Variants in SYNDIG1 observed in about 807,000 individuals in gnomAD.
The protein encoded by SYNDIG1 is synapse differentiation-inducing gene protein 1.
A neutral mutation model predicts 19.4 loss-of-function variants in SYNDIG1; 9 were observed. The observed-to-expected ratio is 0.46, with a 90% confidence interval of 0.28 to 0.81. The LOEUF is 0.81. SYNDIG1 is among the 30% of genes least tolerant of loss of function. The pLI is 0.12. For synonymous variants in SYNDIG1, 141 were observed against 145.9 expected (o/e 0.97, Z 0.24); for missense variants, 311 against 343.3 (o/e 0.91, Z 0.74).
chr20:24,648,403 T>C (rs537604025), intron 3 of SYNDIG1, among the ~76,000 whole-genome samples: 10 of 152,358 alleles, frequency 6.6e-5, no homozygotes, highest in African/African-American at 2.4e-4. Flanking sequence ...GTGTCCACTC[T>C]GACTACTGAA....
At chr20:24,650,366 T>G (rs1275936911) in intron 3 of SYNDIG1, among the ~76,000 whole-genome samples, 1 of 152,184 alleles carries the variant, frequency 6.6e-6, no homozygotes, top group East Asian at 1.9e-4. Context: ...AAATGGCCCA[T>G]CCAGTTTGTG....
At chr20:24,604,267 A>T (rs188645133) in intron 3 of SYNDIG1, among the ~76,000 whole-genome samples, 1 of 152,196 alleles carries the variant, frequency 6.6e-6, no homozygotes, top group East Asian at 1.9e-4. Context: ...TCCATCTTGA[A>T]CAGGGGCTGG....
intron 3 of SYNDIG1, among the ~76,000 whole-genome samples, chr20:24,631,906 G>A (rs1256712168): frequency 1.3e-5 from 2 of 152,216 alleles, no homozygotes; most frequent in African/African-American, 4.8e-5. Context: ...TAGATTTGCA[G>A]TGTTGGTGAC....
chr20:24,656,241 A>T (rs76002484), intron 3 of SYNDIG1, among the ~76,000 whole-genome samples: 1,635 of 152,318 alleles, frequency 0.011, 39 homozygotes, highest in African/African-American at 0.037. Context: ...GATGTATATC[A>T]CATTTTAAAG....
At chr20:24,609,405 G>A (rs897442524) in intron 3 of SYNDIG1, among the ~76,000 whole-genome samples, 3 of 152,148 alleles carry the variant, frequency 2.0e-5, no homozygotes, top group Non-Finnish European at 4.4e-5. Context: ...TCTAGACTGT[G>A]TATAAAGTAG....
At chr20:24,517,801 T>G (rs2056917738) in intron 1 of SYNDIG1, among the ~76,000 whole-genome samples, 1 of 143,828 alleles carries the variant, frequency 7.0e-6, no homozygotes, top group Non-Finnish European at 1.5e-5. Flanking sequence ...TGAAAAAATA[T>G]TTTTTATATA....
intron 3 of SYNDIG1, among the ~76,000 whole-genome samples, chr20:24,628,391 T>G (rs1348341542): frequency 6.6e-6 from 1 of 152,206 alleles, no homozygotes; most frequent in African/African-American, 2.4e-5. Flanking sequence ...GCCACTCTGC[T>G]TATTCATCCT....
At chr20:24,632,885 C>T (rs1408043244) in intron 3 of SYNDIG1, among the ~76,000 whole-genome samples, 3 of 151,338 alleles carry the variant, frequency 2.0e-5, no homozygotes, top group Admixed American at 6.6e-5. Context: ...GAAGCTGAAA[C>T]AGAACTTGAA....
intron 3 of SYNDIG1, among the ~76,000 whole-genome samples, chr20:24,604,451 C>G (rs2058724413): frequency 6.6e-6 from 1 of 152,210 alleles, no homozygotes; most frequent in South Asian, 2.1e-4. Flanking sequence ...AAAGTGATCT[C>G]TGATCTTCCT....
chr20:24,583,412 TAAC>T (rs2058362476), intron 2 of SYNDIG1, among the ~76,000 whole-genome samples: 2 of 152,196 alleles, frequency 1.3e-5, no homozygotes, highest in African/African-American at 4.8e-5. Flanking sequence ...GGCCTCTGCT[TAAC>T]AACCTTGGGC....
chr20:24,513,785 A>T (rs528823756), intron 1 of SYNDIG1, among the ~76,000 whole-genome samples: 49 of 152,328 alleles, frequency 3.2e-4, no homozygotes, highest in African/African-American at 6.7e-4. Flanking sequence ...TGCCACAAAG[A>T]TACTCCTCAA....
At chr20:24,607,413 G>A (rs139280986) in intron 3 of SYNDIG1, among the ~76,000 whole-genome samples, 18 of 151,908 alleles carry the variant, frequency 1.2e-4, no homozygotes, top group Non-Finnish European at 2.2e-4. Flanking sequence ...CACCTCGTTC[G>A]GGCTGATGAG....
At chr20:24,656,070 A>C (rs1193272115) in intron 3 of SYNDIG1, among the ~76,000 whole-genome samples, 3 of 152,176 alleles carry the variant, frequency 2.0e-5, no homozygotes, top group Admixed American at 6.5e-5. Context: ...ACCGCTGAGG[A>C]TGAGGGACAG....
chr20:24,649,675 G>A (rs551072237), intron 3 of SYNDIG1, among the ~76,000 whole-genome samples: 9 of 152,186 alleles, frequency 5.9e-5, no homozygotes, highest in Middle Eastern at 3.4e-3. Context: ...CAAACACCAC[G>A]TCCTGTCTCC....
intron 1 of SYNDIG1, among the ~76,000 whole-genome samples, chr20:24,532,425 A>G (rs1363827964): frequency 6.6e-6 from 1 of 152,176 alleles, no homozygotes; most frequent in Non-Finnish European, 1.5e-5. Flanking sequence ...ATCCATAGAG[A>G]CAGAAAGTAG....
chr20:24,608,944 G>A (rs2058804891), intron 3 of SYNDIG1, among the ~76,000 whole-genome samples: 1 of 152,202 alleles, frequency 6.6e-6, no homozygotes, highest in African/African-American at 2.4e-5. Flanking sequence ...GGACTCACAT[G>A]TATGTTGGTG....
chr20:24,596,075 T>G (rs2058589838), intron 3 of SYNDIG1, among the ~76,000 whole-genome samples: 1 of 152,202 alleles, frequency 6.6e-6, no homozygotes, highest in Non-Finnish European at 1.5e-5. Context: ...TCTTTCTAAC[T>G]TTTTGATGTG....
intron 1 of SYNDIG1, among the ~76,000 whole-genome samples, chr20:24,498,223 T>G (rs910634294): frequency 1.3e-5 from 2 of 152,204 alleles, no homozygotes; most frequent in Non-Finnish European, 2.9e-5. Flanking sequence ...TCAACATACT[T>G]TGTGCCATCA....
chr20:24,580,990 G>A (rs1033350648), intron 2 of SYNDIG1, among the ~76,000 whole-genome samples: 1 of 152,140 alleles, frequency 6.6e-6, no homozygotes, highest in African/African-American at 2.4e-5. Context: ...GTTGCCATGG[G>A]CCTCTCCGTC....
Sources: gnomAD v4.1 joint callset for allele counts (sites outside exome capture counted in the v4.1 genomes callset) on GRCh38, gnomAD v4.1.1 for gene constraint, MANE v1.5 for transcripts, NCBI Gene and HGNC (gene_info 2026-07-23, HGNC 2026-07-21) for gene names.